Variants in GUCY2C observed in about 807,000 individuals in gnomAD.
GUCY2C encodes guanylyl cyclase C.
GUCY2C carries 118 observed loss-of-function variants against 131.1 expected under a neutral mutation model. The observed-to-expected ratio is 0.90, with a 90% CI of 0.78 to 1.05. GUCY2C has a LOEUF of 1.05. Among genes scored for constraint, GUCY2C ranks in the 50% least tolerant of loss-of-function variants. The pLI is 0.00. For synonymous variants in GUCY2C, 452 were observed against 457.8 expected (o/e 0.99, Z 0.16); for missense variants, 1,161 against 1,304.4 (o/e 0.89, Z 1.69).
chr12:14,625,490 G>T (rs747217724), intron 21 of GUCY2C, among the ~76,000 whole-genome samples: 1 of 151,900 alleles, frequency 6.6e-6, no homozygotes, highest in South Asian at 2.1e-4. Flanking sequence ...ACCACACCTG[G>T]CTAATTTTTT....
intron 15 of GUCY2C, among the ~76,000 whole-genome samples, chr12:14,645,674 TAAG>T (rs1947506448): frequency 1.3e-5 from 2 of 152,216 alleles, no homozygotes; most frequent in Non-Finnish European, 2.9e-5. Flanking sequence ...GCAATTGCTA[TAAG>T]AAAATTCCTT....
intron 17 of GUCY2C, among the ~76,000 whole-genome samples, chr12:14,642,865 A>G (rs1592103237): frequency 1.3e-5 from 2 of 152,268 alleles, no homozygotes; most frequent in South Asian, 2.1e-4. Context: ...TTTTCCTTTT[A>G]TTAAGGAAAA....
chr12:14,612,850 A>C lies in GUCY2C; in HGVS notation c.*267T>G. The C allele has an allele frequency of 2.8e-6, 1 of 352,928 alleles. No individual in the cohort carries two copies. Among genetic ancestry groups the C allele is most frequent in the Non-Finnish European group, 5.1e-6 (1 of 195,780 alleles). The allele number at this position is 352,928 out of a possible 1,614,324, so 21.9% of individuals were successfully genotyped here. ...AGAATAAAATCTTCTCAAGTTCTAG[A>C]TAGTCTATTCATTTCTTTTCTTTTC... On this transcript the variant is annotated 3_prime_UTR_variant, in exon 27 of 27. Coordinates refer to ENST00000261170, the MANE Select transcript of GUCY2C (RefSeq NM_004963.4).
chr12:14,687,995 G>T lies in GUCY2C; in HGVS notation c.286C>A (p.Arg96=). ...DGLIHNSGDC[R]SSTCEGLDLL... is the part of the protein sequence containing the mutation. ...TCGAGGCCTTCACAGGTGCTACTCC[G>T]GCAGTCGCCTGAGTTATGAATCAGA... Residue 96 remains arginine, a synonymous_variant, in exon 2 of 27, where the codon CGG becomes AGG. Coordinates refer to ENST00000261170, the MANE Select transcript of GUCY2C (RefSeq NM_004963.4). 6.2e-7 allele frequency: 1 copy of T among 1,613,766 alleles called. No homozygotes were observed. Among genetic ancestry groups the T allele is most frequent in the Non-Finnish European group, 8.5e-7 (1 of 1,179,694 alleles).
chr12:14,628,713 A>T lies in GUCY2C; in HGVS notation c.2182T>A (p.Trp728Arg), dbSNP rs1251788261. The change falls in exon 20 of 27, where the codon TGG (tryptophan) becomes AGG (arginine). Residue 728 changes from tryptophan to arginine, a missense_variant. By Grantham distance (101) the Trp-to-Arg change is moderately radical (BLOSUM62 -3). Transcript: ENST00000261170. ...GGTCTCTTTTCTGGATCTTCCTCCC[A>T]ACAGTTTTTTACAAGTAGGTACACC... The part of the protein sequence containing the change: ...LEVYLLVKNC[W>R]EEDPEKRPDF... 4.4e-6 allele frequency: 7 copies of T among 1,598,832 alleles called. No individual in the cohort carries two copies. The East Asian group carries it at 1.6e-4, about 36-fold the overall frequency.
chr12:14,670,652 G>C (rs1398082138), intron 9 of GUCY2C, among the ~76,000 whole-genome samples: 1 of 151,706 alleles, frequency 6.6e-6, no homozygotes, highest in Non-Finnish European at 1.5e-5. Context: ...TCTCGTGGTA[G>C]TGAATAAGTC....
chr12:14,682,606 T>C (rs1473101401), intron 4 of GUCY2C, among the ~76,000 whole-genome samples: 1 of 152,246 alleles, frequency 6.6e-6, no homozygotes, highest in Non-Finnish European at 1.5e-5. Context: ...ACCTCTTGTT[T>C]CTCTGAAGAA....
At chr12:14,626,173 C>T (rs1005131234) in intron 20 of GUCY2C, among the ~76,000 whole-genome samples, 1 of 152,076 alleles carries the variant, frequency 6.6e-6, no homozygotes, top group Admixed American at 6.5e-5. Flanking sequence ...AACCCTTTCT[C>T]TACTAGAAAT....
chr12:14,669,879 A>G (rs1372222306), intron 9 of GUCY2C, 46 bp from the exon 10 acceptor site: 7 of 742,366 alleles, frequency 9.4e-6, no homozygotes, highest in South Asian at 1.7e-5. Flanking sequence ...GTAAAACATT[A>G]TAGAACAAAT....
At chr12:14,675,513 C>G (rs1165154293) in intron 7 of GUCY2C, among the ~76,000 whole-genome samples, 1 of 152,174 alleles carries the variant, frequency 6.6e-6, no homozygotes, top group African/African-American at 2.4e-5. Context: ...AAACCAAAAA[C>G]AATCCCTGCG....
At chr12:14,625,964 T>A (rs1947005749) in intron 20 of GUCY2C, 49 bp from the exon 21 acceptor site, 2 of 1,076,290 alleles carry the variant, frequency 1.9e-6, no homozygotes. Context: ...TAAGAAAACA[T>A]GAACATCCAA....
chr12:14,679,527 C>A lies in GUCY2C; in HGVS notation c.830+130G>T. The A allele has an allele frequency of 6.7e-6, 4 of 601,502 alleles. No individual in the cohort carries two copies. The South Asian group carries it at 8.2e-5, about 12-fold the overall frequency. The allele number at this position is 601,502 out of a possible 1,614,324, so 37.3% of individuals were successfully genotyped here. ...ATAAGAATGACAGTGTGACAGAGTT[C>A]AAATATTATCATCATACTTAACCCC... is the stretch of plus-strand genomic sequence containing the variant. On this transcript the variant is annotated intron_variant, in intron 6 of 26. Transcript: ENST00000261170.
At chr12:14,625,078 A>G (rs1027593892) in intron 21 of GUCY2C, among the ~76,000 whole-genome samples, 1 of 152,184 alleles carries the variant, frequency 6.6e-6, no homozygotes, top group African/African-American at 2.4e-5. Context: ...TTCTATCACA[A>G]GGTTGCAAGA....
chr12:14,649,831 T>C (rs1592111374), intron 15 of GUCY2C, among the ~76,000 whole-genome samples: 1 of 152,192 alleles, frequency 6.6e-6, no homozygotes, highest in Non-Finnish European at 1.5e-5. Context: ...TACCAATTAA[T>C]AGAGCCTAGT....
intron 23 of GUCY2C, among the ~76,000 whole-genome samples, chr12:14,620,454 C>T (rs2136979388): frequency 6.6e-6 from 1 of 152,278 alleles, no homozygotes; most frequent in South Asian, 2.1e-4. Context: ...TTTTAAGGGC[C>T]ATCTGATTTG....
chr12:14,687,622 A>AAAAC (rs978289307), intron 2 of GUCY2C, among the ~76,000 whole-genome samples: 1 of 152,192 alleles, frequency 6.6e-6, no homozygotes, highest in Non-Finnish European at 1.5e-5. Context: ...CCTGTCTCAA[A>AAAAC]AAACAAACAA....
chr12:14,677,751 T>TTTTC (rs55811102), intron 6 of GUCY2C, among the ~76,000 whole-genome samples: 2 of 149,092 alleles, frequency 1.3e-5, no homozygotes, highest in Non-Finnish European at 3.0e-5. Context: ...TTTTTTTTTT[T>TTTTC]GTATTTTTAG....
chr12:14,630,481 G>A (rs1947120012), intron 19 of GUCY2C, among the ~76,000 whole-genome samples: 1 of 152,098 alleles, frequency 6.6e-6, no homozygotes, highest in African/African-American at 2.4e-5. Flanking sequence ...TGTCTGTGTT[G>A]AACATGTACC....
At chr12:14,647,455 T>G (rs916657092) in intron 15 of GUCY2C, among the ~76,000 whole-genome samples, 4 of 152,210 alleles carry the variant, frequency 2.6e-5, no homozygotes, top group Admixed American at 2.6e-4. Context: ...AGGGTGTCGG[T>G]AAATCGGCTC....
Sources: gnomAD v4.1 joint callset for allele counts (sites outside exome capture counted in the v4.1 genomes callset) on GRCh38, gnomAD v4.1.1 for gene constraint, MANE v1.5 for transcripts, NCBI Gene and HGNC (gene_info 2026-07-23, HGNC 2026-07-21) for gene names.